The following RIPOR3 variants were observed in gnomAD, a reference collection of about 807,000 sequenced individuals.
RIPOR3 encodes the protein family with sequence similarity 65 member C.
A neutral mutation model predicts 114.3 loss-of-function variants in RIPOR3; 95 were observed. The observed-to-expected ratio is 0.83, with a 90% CI of 0.70 to 0.99. The LOEUF (loss-of-function observed/expected upper bound fraction) is 0.99, where lower values mean the gene tolerates loss of function less well. Among genes scored for constraint, RIPOR3 ranks in the 50% least tolerant of loss-of-function variants. The pLI is 0.00. For missense variants in RIPOR3, 1,252 were observed against 1,266.9 expected, an observed-to-expected ratio of 0.99 and a Z score of 0.18; for synonymous variants, 575 against 543.8, an observed-to-expected ratio of 1.06 and a Z score of -0.80.
intron 3 of RIPOR3, among the ~76,000 whole-genome samples, chr20:50,618,529 G>C (rs2084271366): frequency 6.6e-6 from 1 of 151,994 alleles, no homozygotes; most frequent in African/African-American, 2.4e-5. Flanking sequence ...TCAGGAGTGT[G>C]CTCCAATGTC....
At chr20:50,651,727 G>A (rs901443240) in intron 1 of RIPOR3, among the ~76,000 whole-genome samples, 3 of 152,148 alleles carry the variant, frequency 2.0e-5, no homozygotes, top group African/African-American at 4.8e-5. Context: ...GGTATGCATC[G>A]TAAGGACACA....
intron 1 of RIPOR3, among the ~76,000 whole-genome samples, chr20:50,647,434 C>CCTTGGAG (rs1377257072): frequency 2.0e-5 from 3 of 151,832 alleles, no homozygotes; most frequent in Non-Finnish European, 4.4e-5. Context: ...TGAGCAGAGG[C>CCTTGGAG]CTTGGAGTCA....
intron 1 of RIPOR3, among the ~76,000 whole-genome samples, chr20:50,637,461 A>C (rs2085027716): frequency 6.6e-6 from 1 of 152,056 alleles, no homozygotes; most frequent in African/African-American, 2.4e-5. Flanking sequence ...CCTCACCCGT[A>C]TCCTTCAAAT....
At chr20:50,597,838 C>G in intron 13 of RIPOR3, 128 bp from the exon 14 acceptor site, 2 of 1,397,388 alleles carry the variant, frequency 1.4e-6, no homozygotes, top group East Asian at 2.5e-5. Flanking sequence ...ACACACCGTC[C>G]CCCAGCAGAA....
chr20:50,686,586 T>C (rs1168351456), intron 1 of RIPOR3, among the ~76,000 whole-genome samples: 1 of 151,702 alleles, frequency 6.6e-6, no homozygotes, highest in African/African-American at 2.4e-5. Flanking sequence ...CCATCTCTAC[T>C]AAAAATACAA....
At chr20:50,617,016 C>A (rs1228392175) in intron 3 of RIPOR3, among the ~76,000 whole-genome samples, 1 of 152,194 alleles carries the variant, frequency 6.6e-6, no homozygotes, top group Non-Finnish European at 1.5e-5. Context: ...GTGGCACACA[C>A]CTGTAGTCCC....
intron 1 of RIPOR3, among the ~76,000 whole-genome samples, chr20:50,668,580 G>A (rs375128665): frequency 6.8e-4 from 104 of 152,292 alleles, no homozygotes; most frequent in African/African-American, 2.4e-3. Context: ...GAAATGGCCG[G>A]GCACAGTGGC....
Position 50,589,692 on chromosome 20 carries a change from G to C in RIPOR3, c.2655C>G (p.His885Gln), listed in dbSNP as rs1274255958. The C allele has an allele frequency of 6.2e-7, 1 of 1,613,716 alleles. No individual in the cohort carries two copies. Among genetic ancestry groups the C allele is most frequent in the Admixed American group, 1.7e-5 (1 of 59,996 alleles). The change falls in exon 20 of 22, where the codon CAC becomes CAG. Residue 885 changes from histidine (H) to glutamine (Q), a missense_variant. Transcript: ENST00000327979. ...GGGGAAACGTCAGGCTCACCTTGAG[G>C]TGTTTGAGCGCTAGGCATGCGGCCT... The part of the protein sequence containing the change: ...LQQAACLALK[H>Q]LKGIESIDQT...
At position 50,632,756 on chromosome 20, in the gene RIPOR3, TGAG is replaced by T. The variant is rs558022769; in HGVS notation, c.4-1903_4-1901del. Among the ~76,000 whole-genome samples the T allele has an allele frequency of 1.4e-4, 21 of 152,296 alleles. No homozygotes were observed. The South Asian group carries it at 4.4e-3, about 32-fold the overall frequency. On this transcript the variant is annotated intron_variant, in intron 1 of 21. Coordinates refer to ENST00000327979, the MANE Select transcript of RIPOR3 (RefSeq NM_001290268.2). ...GCTTTTGATGATCTAATTCCATAGA[TGAG>T]GAAACTGAGGCTCAGAGAGGTGATG...
intron 11 of RIPOR3, 85 bp from the exon 12 acceptor site, chr20:50,604,859 T>G (rs1470424848): frequency 2.0e-6 from 3 of 1,507,220 alleles, no homozygotes; most frequent in Non-Finnish European, 2.7e-6. Flanking sequence ...TCTTAGGTTA[T>G]GCAGGTAGAT....
intron 1 of RIPOR3, among the ~76,000 whole-genome samples, chr20:50,631,308 T>C (rs1351957211): frequency 6.6e-6 from 1 of 152,072 alleles, no homozygotes; most frequent in Non-Finnish European, 1.5e-5. Flanking sequence ...ACAGTTACGA[T>C]ACAGAGTCCA....
chr20:50,642,377 T>A (rs4811089), intron 1 of RIPOR3, among the ~76,000 whole-genome samples: 72,667 of 147,632 alleles, frequency 0.49, 20,828 homozygotes, highest in African/African-American at 0.81. Flanking sequence ...TGTGTGTGTG[T>A]GAGAGAGAGA....
At chr20:50,681,688 G>T (rs148555157) in intron 1 of RIPOR3, among the ~76,000 whole-genome samples, 2 of 152,156 alleles carry the variant, frequency 1.3e-5, no homozygotes, top group Non-Finnish European at 2.9e-5. Flanking sequence ...CCAAGGATTC[G>T]CCCCTTCCTC....
At position 50,597,685 on chromosome 20, in the gene RIPOR3, G is replaced by A. The variant is rs1182232448; in HGVS notation, c.1685C>T (p.Thr562Ile). Residue 562 changes from threonine (T) to isoleucine (I), a missense_variant, in exon 14 of 22, where the codon ACC becomes ATC. Coordinates refer to ENST00000327979, the MANE Select transcript of RIPOR3 (RefSeq NM_001290268.2). ...LKPCRARQEH[T>I]SAESLMECIL... Reference sequence around the variant, plus strand: ...GCACTCCATCAGGCTCTCGGCCGAGGTGTGCTCCTGCCGTGCTCTGCAGGG... The same window carrying A: ...GCACTCCATCAGGCTCTCGGCCGAGATGTGCTCCTGCCGTGCTCTGCAGGG... 1.2e-6 allele frequency: 2 copies of A among 1,611,908 alleles called. No homozygotes were observed. Among genetic ancestry groups the A allele is most frequent in the African/African-American group, 1.3e-5 (1 of 75,014 alleles).
chr20:50,674,124 T>C (rs1237773177), intron 1 of RIPOR3, among the ~76,000 whole-genome samples: 1 of 152,094 alleles, frequency 6.6e-6, no homozygotes, highest in African/African-American at 2.4e-5. Flanking sequence ...CTGGGTAAGA[T>C]GTGTCTGGAA....
At chr20:50,676,803 G>C (rs2086691648) in intron 1 of RIPOR3, among the ~76,000 whole-genome samples, 1 of 14,806 alleles carries the variant, frequency 6.8e-5, no homozygotes, top group African/African-American at 1.4e-4. Flanking sequence ...TAGAGGTCTT[G>C]CTTATACCCA....
intron 3 of RIPOR3, among the ~76,000 whole-genome samples, chr20:50,616,491 T>A (rs1306766093): frequency 6.6e-6 from 1 of 152,070 alleles, no homozygotes; most frequent in East Asian, 1.9e-4. Context: ...TACAGGTGTG[T>A]GCCACCACAC....
At chr20:50,624,333 C>T (rs967247001) in intron 2 of RIPOR3, among the ~76,000 whole-genome samples, 4 of 152,168 alleles carry the variant, frequency 2.6e-5, no homozygotes, top group African/African-American at 4.8e-5. Context: ...TTAGGGACCC[C>T]GGCAGGTGGG....
chr20:50,644,307 A>G (rs1600668593), intron 1 of RIPOR3, among the ~76,000 whole-genome samples: 1 of 130,010 alleles, frequency 7.7e-6, no homozygotes, highest in East Asian at 2.0e-4. Flanking sequence ...TTTTGACACT[A>G]AAAACAGTAT....
Sources: gnomAD v4.1 joint callset for allele counts (sites outside exome capture counted in the v4.1 genomes callset) on GRCh38, gnomAD v4.1.1 for gene constraint, MANE v1.5 for transcripts, NCBI Gene and HGNC (gene_info 2026-07-23, HGNC 2026-07-21) for gene names.